ITGAM: variants seen among roughly 807,000 people sequenced by gnomAD.
ITGAM encodes the protein integrin subunit alpha M.
Under a neutral mutation model 137.5 loss-of-function variants are expected in ITGAM, and 79 were observed. That is an observed-to-expected ratio of 0.57 (90% CI 0.48 to 0.69). ITGAM has a LOEUF of 0.69. ITGAM is among the 30% of genes least tolerant of loss of function. The pLI, the probability that ITGAM is intolerant of heterozygous loss-of-function variation, is 0.00. For synonymous variants in ITGAM, 583 were observed against 592.3 expected (o/e 0.98, Z 0.23); for missense variants, 1,343 against 1,483.5 (o/e 0.91, Z 1.56).
At chr16:31,269,117 A>G (rs1567247768) in intron 5 of ITGAM, among the ~76,000 whole-genome samples, 1 of 152,162 alleles carries the variant, frequency 6.6e-6, no homozygotes, top group Non-Finnish European at 1.5e-5. Flanking sequence ...CTGATTGATC[A>G]GGGATGAAAT....
chr16:31,277,111 C>A, intron 11 of ITGAM, 62 bp downstream of exon 11: 3 of 1,440,656 alleles, frequency 2.1e-6, no homozygotes, highest in Non-Finnish European at 2.8e-6. Context: ...AGTCAACTAG[C>A]ATAGATGTCT....
At chr16:31,299,753 CTCCTCCTCCTCT>C (rs1293679808) in intron 14 of ITGAM, among the ~76,000 whole-genome samples, 2 of 143,258 alleles carry the variant, frequency 1.4e-5, no homozygotes, top group Non-Finnish European at 3.0e-5. Context: ...TTTTCTTCTC[CTCCTCCTCCTCT>C]TCCTCCTCCT....
intron 12 of ITGAM, 46 bp from the exon 13 acceptor site, chr16:31,297,468 G>A: frequency 6.2e-7 from 1 of 1,610,044 alleles, no homozygotes; most frequent in South Asian, 1.1e-5. Context: ...CTCCACATCT[G>A]CTTTAGGTGG....
Position 31,297,808 on chromosome 16 carries a change from G to A in ITGAM, c.1561G>A (p.Gly521Arg). Residue 521 changes from glycine (G) to arginine (R), a missense_variant, in exon 14 of 30, where the codon GGG becomes AGG. Coordinates refer to ENST00000544665, the MANE Select transcript of ITGAM (RefSeq NM_000632.4). ...GCAGGGCCAACCCTGGGGCCGCTTT[G>A]GGGCAGCCCTAACAGTGCTGGGGGA... ...GEQGQPWGRF[G>R]AALTVLGDVN... is the part of the protein sequence containing the mutation. The A allele has an allele frequency of 3.1e-6, 5 of 1,610,586 alleles. No homozygotes were observed. The highest frequency in any genetic ancestry group is 4.2e-6 in the Non-Finnish European group (5 of 1,178,882).
intron 5 of ITGAM, among the ~76,000 whole-genome samples, chr16:31,266,558 C>CA (rs1298506998): frequency 0.086 from 9,758 of 113,546 alleles, 1,069 homozygotes; most frequent in African/African-American, 0.27. Context: ...CCCGTCTCTA[C>CA]AAAAAAAAAA....
Position 31,324,611 on chromosome 16 carries a change from G to C in ITGAM, c.2158-40G>C. The C allele has an allele frequency of 6.2e-7, 1 of 1,608,738 alleles. No homozygotes were observed. The highest frequency in any genetic ancestry group is 8.5e-7 in the Non-Finnish European group (1 of 1,176,936). ...TCCAAGCATGGAGTGGGCTTGGGGA[G>C]CTGAGGAGGGCAGATCCCCAAATCC... On this transcript the variant is annotated intron_variant, in intron 17 of 29. Coordinates refer to ENST00000544665, the MANE Select transcript of ITGAM (RefSeq NM_000632.4). This position sits in a 1 kb window ranked among gnomAD's most constrained non-coding sequence, Gnocchi z 4.5.
chr16:31,270,918 A>G, intron 5 of ITGAM, 36 bp from the exon 6 acceptor site: 1 of 1,390,928 alleles, frequency 7.2e-7, no homozygotes. Context: ...ACCAAGTGTC[A>G]AATTACTTGA....
At chr16:31,261,343 C>T (rs190901296) in intron 1 of ITGAM, among the ~76,000 whole-genome samples, 13 of 151,694 alleles carry the variant, frequency 8.6e-5, no homozygotes, top group South Asian at 4.2e-4. Flanking sequence ...CCACTACACC[C>T]GGCTAATTTT....
chr16:31,276,821 G>A (rs2079911868), intron 10 of ITGAM, 77 bp downstream of exon 10: 1 of 1,573,136 alleles, frequency 6.4e-7, no homozygotes, highest in Admixed American at 1.8e-5. Context: ...GGGGGTTTGG[G>A]GACTCTTCTC....
At chr16:31,331,311 C>T (rs1334652115) in intron 29 of ITGAM, 36 bp downstream of exon 29, 1 of 1,063,070 alleles carries the variant, frequency 9.4e-7, no homozygotes, top group South Asian at 1.3e-5. Flanking sequence ...CTCCCTTCAT[C>T]CTCTCGGGCC....
chr16:31,289,045 T>C (rs372578746), intron 12 of ITGAM, among the ~76,000 whole-genome samples: 441 of 152,096 alleles, frequency 2.9e-3, no homozygotes, highest in African/African-American at 0.01. Flanking sequence ...CAAATCAAAA[T>C]CACAATGAGA....
intron 7 of ITGAM, 57 bp from the exon 8 acceptor site, chr16:31,273,308 A>G: frequency 6.6e-7 from 1 of 1,512,740 alleles, no homozygotes; most frequent in Non-Finnish European, 8.9e-7. Context: ...AAAAAAAAAA[A>G]AAAACTAGTG....
intron 12 of ITGAM, among the ~76,000 whole-genome samples, chr16:31,289,657 A>C (rs1048735902): frequency 6.6e-6 from 1 of 152,218 alleles, no homozygotes; most frequent in African/African-American, 2.4e-5. Flanking sequence ...CCTAATGTAA[A>C]TGACAAGTTA....
chr16:31,329,752 G>C, intron 24 of ITGAM, 46 bp from the exon 25 acceptor site: 1 of 1,498,416 alleles, frequency 6.7e-7, no homozygotes, highest in Non-Finnish European at 9.1e-7. Context: ...CTCCAGGCTG[G>C]TGGGGGAGGA....
intron 21 of ITGAM, 102 bp from the exon 22 acceptor site, chr16:31,326,754 A>G (rs2080511914): frequency 2.4e-6 from 2 of 818,952 alleles, no homozygotes; most frequent in Non-Finnish European, 4.2e-6. Flanking sequence ...ATCCTGTTGC[A>G]TGGATGGGCC....
intron 12 of ITGAM, among the ~76,000 whole-genome samples, chr16:31,279,137 T>C (rs2079941540): frequency 6.6e-6 from 1 of 152,210 alleles, no homozygotes; most frequent in South Asian, 2.1e-4. Context: ...CAGTCTATCG[T>C]TGATGGACAT....
chr16:31,318,326 C>T (rs2080413162), intron 14 of ITGAM, among the ~76,000 whole-genome samples: 1 of 150,670 alleles, frequency 6.6e-6, no homozygotes, highest in Admixed American at 6.7e-5. Flanking sequence ...CCTTGGTCTA[C>T]CTAAAAGCTT....
intron 14 of ITGAM, 60 bp from the exon 15 acceptor site, chr16:31,321,181 G>A: frequency 6.3e-7 from 1 of 1,593,634 alleles, no homozygotes; most frequent in Non-Finnish European, 8.6e-7. Flanking sequence ...GGATGACTGA[G>A]TTATACATCT....
At chr16:31,329,749 C>A (rs1161227823) in intron 24 of ITGAM, 49 bp from the exon 25 acceptor site, 2 of 1,486,256 alleles carry the variant, frequency 1.3e-6, no homozygotes, top group South Asian at 2.4e-5. Context: ...ATTCTCCAGG[C>A]TGGTGGGGGA....
Sources: gnomAD v4.1 joint callset for allele counts (sites outside exome capture counted in the v4.1 genomes callset) on GRCh38, gnomAD v4.1.1 for gene constraint, Gnocchi (gnomAD v3.1) non-coding constraint, MANE v1.5 for transcripts, NCBI Gene and HGNC (gene_info 2026-07-23, HGNC 2026-07-21) for gene names.